The following SP4 variants were observed in gnomAD, a reference collection of about 807,000 sequenced individuals.
The protein encoded by SP4 is transcription factor Sp4.
Under a neutral mutation model 72.8 loss-of-function variants are expected in SP4, and 19 were observed. The ratio of observed to expected loss-of-function variants is 0.26; its 90% CI spans 0.18 to 0.38. The LOEUF is 0.38. Ranked by LOEUF, SP4 falls within the 10% of genes least tolerant of loss-of-function variation. The pLI, the probability that SP4 is intolerant of heterozygous loss-of-function variation, is 1.00. For synonymous variants in SP4, 395 were observed against 333.1 expected, an observed-to-expected ratio of 1.19 and a Z score of -2.02; for missense variants, 1,008 against 926.3, an observed-to-expected ratio of 1.09 and a Z score of -1.14.
chr7:21,431,804 TGTTA>T (rs1395818589), intron 3 of SP4, among the ~76,000 whole-genome samples: 1 of 152,242 alleles, frequency 6.6e-6, no homozygotes, highest in East Asian at 1.9e-4. Flanking sequence ...TTCCAGACCT[TGTTA>T]GTTAAATATT....
intron 5 of SP4, among the ~76,000 whole-genome samples, chr7:21,503,295 G>C (rs1781914825): frequency 6.6e-6 from 1 of 152,174 alleles, no homozygotes; most frequent in Non-Finnish European, 1.5e-5. Context: ...CTGTAGCTCT[G>C]CGCAAATATA....
intron 3 of SP4, among the ~76,000 whole-genome samples, chr7:21,450,682 TAGTA>T (rs1395976403): frequency 1.3e-5 from 2 of 152,282 alleles, no homozygotes; most frequent in African/African-American, 2.4e-5. Context: ...GGATATAACT[TAGTA>T]AGGAAGTTAA....
intron 3 of SP4, among the ~76,000 whole-genome samples, chr7:21,456,390 G>A (rs1783766227): frequency 6.6e-6 from 1 of 152,210 alleles, no homozygotes; most frequent in Non-Finnish European, 1.5e-5. Flanking sequence ...GTTCCGATTA[G>A]TGTTTGTCTC....
At chr7:21,428,410 G>T (rs1048620413) in intron 1 of SP4, 152 bp downstream of exon 1, 9 of 682,472 alleles carry the variant, frequency 1.3e-5, no homozygotes, top group East Asian at 5.4e-5. Flanking sequence ...AGGGAAGGAG[G>T]GTTGTGTTTT....
intron 3 of SP4, among the ~76,000 whole-genome samples, chr7:21,467,371 C>T (rs978233803): frequency 6.6e-6 from 1 of 151,992 alleles, no homozygotes; most frequent in Admixed American, 6.5e-5. Context: ...TATATATATC[C>T]ATACCATATT....
At chr7:21,455,962 C>A (rs981809382) in intron 3 of SP4, among the ~76,000 whole-genome samples, 1 of 152,136 alleles carries the variant, frequency 6.6e-6, no homozygotes, top group Non-Finnish European at 1.5e-5. Flanking sequence ...TCAAATATGA[C>A]CCTGAAGATC....
intron 5 of SP4, among the ~76,000 whole-genome samples, chr7:21,501,013 C>A (rs1781849828): frequency 6.6e-6 from 1 of 152,136 alleles, no homozygotes; most frequent in Non-Finnish European, 1.5e-5. Context: ...AGGGCAGTTA[C>A]AGCAGTTAAT....
At chr7:21,441,412 G>C (rs1419791871) in intron 3 of SP4, among the ~76,000 whole-genome samples, 1 of 152,182 alleles carries the variant, frequency 6.6e-6, no homozygotes, top group Non-Finnish European at 1.5e-5. Flanking sequence ...CTCAGGGTTT[G>C]CCAACCAAAC....
In SP4 at chr7:21,476,253, G is replaced by A. The variant is rs946045107; in HGVS notation, c.1679-826G>A. 1.7e-4 allele frequency among the ~76,000 whole-genome samples: 20 copies of A among 115,758 alleles called. No homozygotes were observed. In the South Asian group the frequency reaches 2.0e-3, roughly 11 times the overall value. 75.9% of individuals were successfully genotyped at this position (115,758 alleles called of 152,430 possible). A position where few individuals can be genotyped will look rare whatever the true frequency, so the allele number is the denominator to read the frequency against. On this transcript the variant is annotated intron_variant, in intron 3 of 5. Coordinates refer to ENST00000222584, the MANE Select transcript of SP4 (RefSeq NM_003112.5). ...CGTGCTACTGCACTCCAGCCTGGGC[G>A]ACAGAGCAAGACTCCATCTCAAAAA... is the stretch of plus-strand genomic sequence containing the variant.
At chr7:21,474,236 C>T (rs1267538501) in intron 3 of SP4, among the ~76,000 whole-genome samples, 1 of 152,014 alleles carries the variant, frequency 6.6e-6, no homozygotes, top group Non-Finnish European at 1.5e-5. Flanking sequence ...AAATAAAGGT[C>T]ATCTTAAATA....
rs748534375 is a variant in SP4, at chr7:21,511,379, C to T, written c.*110C>T. The T allele has an allele frequency of 7.7e-6, 9 of 1,167,920 alleles. No homozygotes were observed. The Admixed American group carries it at 1.9e-4, about 25-fold the overall frequency. 72.3% of individuals were successfully genotyped at this position (1,167,920 alleles called of 1,614,324 possible). A position where few individuals can be genotyped will look rare whatever the true frequency, so the allele number is the denominator to read the frequency against. ...CAGAGTAGGAAATTATGTTTTCATT[C>T]TTGGCTTCTTTAAGTATTCCAGGGT... On this transcript the variant is annotated 3_prime_UTR_variant, in exon 6 of 6. Transcript: ENST00000222584.
chr7:21,511,207 G>C lies in SP4; in HGVS notation c.2293G>C (p.Ala765Pro). The C allele has an allele frequency of 1.9e-6, 3 of 1,614,110 alleles. No homozygotes were observed. In the South Asian group the frequency reaches 3.3e-5, roughly 18 times the overall value. ...LGSPRIVTVAAISQDSNPATP... is the reference protein window; with the variant it reads ...LGSPRIVTVAPISQDSNPATP... ...CTCCCCAAGAATTGTCACAGTTGCA[G>C]CCATTTCTCAAGATTCGAATCCAGC... Residue 765 changes from alanine (A) to proline (P), a missense_variant, in exon 6 of 6, where the codon GCC becomes CCC. Coordinates refer to ENST00000222584, the MANE Select transcript of SP4 (RefSeq NM_003112.5).
intron 3 of SP4, among the ~76,000 whole-genome samples, chr7:21,454,529 C>G (rs1783703090): frequency 6.6e-6 from 1 of 151,978 alleles, no homozygotes; most frequent in Non-Finnish European, 1.5e-5. Context: ...CCAAAAATAC[C>G]TCTTTACCTT....
intron 3 of SP4, among the ~76,000 whole-genome samples, chr7:21,446,094 A>G (rs1194442272): frequency 1.3e-5 from 2 of 151,364 alleles, no homozygotes; most frequent in South Asian, 2.1e-4. Flanking sequence ...CTTAGTGTAT[A>G]TGTTTACTCA....
chr7:21,490,772 A>G (rs1784956900), intron 5 of SP4, among the ~76,000 whole-genome samples: 1 of 152,232 alleles, frequency 6.6e-6, no homozygotes, highest in Non-Finnish European at 1.5e-5. Flanking sequence ...GGCCTCAAGA[A>G]CTAAACATCT....
chr7:21,464,925 T>G (rs905516461), intron 3 of SP4, among the ~76,000 whole-genome samples: 1 of 152,234 alleles, frequency 6.6e-6, no homozygotes, highest in Non-Finnish European at 1.5e-5. Flanking sequence ...TAGCCAGATT[T>G]TCCTTTTTTG....
chr7:21,485,491 G>A (rs1281511878), intron 5 of SP4, among the ~76,000 whole-genome samples: 3 of 151,826 alleles, frequency 2.0e-5, no homozygotes, highest in African/African-American at 7.2e-5. Context: ...TTGCATTTTT[G>A]TTCTTTCTAG....
intron 5 of SP4, among the ~76,000 whole-genome samples, chr7:21,500,601 C>T (rs1312491607): frequency 6.6e-6 from 1 of 152,076 alleles, no homozygotes; most frequent in Non-Finnish European, 1.5e-5. Flanking sequence ...AATGTAGGTC[C>T]TTGTTTCCTT....
intron 3 of SP4, among the ~76,000 whole-genome samples, chr7:21,442,121 C>T (rs374300298): frequency 2.9e-4 from 44 of 150,382 alleles, no homozygotes; most frequent in African/African-American, 1.1e-3. Context: ...TCGCTGCAGC[C>T]TCTGCCTCCC....
Sources: allele counts gnomAD v4.1 joint callset (sites outside exome capture counted in the v4.1 genomes callset), GRCh38; gene constraint gnomAD v4.1.1; transcripts MANE v1.5; gene names NCBI Gene and HGNC (gene_info 2026-07-23, HGNC 2026-07-21).